The following PSD3 variants were observed in gnomAD, a reference collection of about 807,000 sequenced individuals.
PSD3 encodes pleckstrin and Sec7 domain containing 3, also known as PH and SEC7 domain-containing protein 3.
In PSD3, 49 loss-of-function variants were observed where a neutral mutation model predicts 105.5. That is an observed-to-expected ratio of 0.46 (90% CI 0.37 to 0.59). PSD3 has a LOEUF of 0.59. Among genes scored for constraint, PSD3 ranks in the 20% least tolerant of loss-of-function variants. The pLI is 0.00. For missense variants in PSD3, 1,561 were observed against 1,263.8 expected (o/e 1.24, Z -3.57); for synonymous variants, 557 against 457.8 (o/e 1.22, Z -2.77).
chr8:18,606,164 A>T (rs1804812223), intron 11 of PSD3, among the ~76,000 whole-genome samples: 1 of 152,176 alleles, frequency 6.6e-6, no homozygotes, highest in Non-Finnish European at 1.5e-5. Flanking sequence ...AACTTTGAAT[A>T]ATGTCTCTCC....
intron 12 of PSD3, among the ~76,000 whole-genome samples, chr8:18,592,772 G>C (rs564640066): frequency 4.6e-5 from 7 of 152,174 alleles, no homozygotes; most frequent in South Asian, 2.1e-4. Context: ...AAAAATGAAA[G>C]ATATATAGAC....
intron 9 of PSD3, among the ~76,000 whole-genome samples, chr8:18,710,369 T>C (rs1193590893): frequency 1.3e-5 from 2 of 152,002 alleles, no homozygotes; most frequent in African/African-American, 4.8e-5. Context: ...CTACGACTGA[T>C]TGGGGTACCT....
At chr8:18,567,903 C>A (rs1184480446) in intron 14 of PSD3, among the ~76,000 whole-genome samples, 1 of 152,122 alleles carries the variant, frequency 6.6e-6, no homozygotes, top group African/African-American at 2.4e-5. Flanking sequence ...GAGGTGTTTG[C>A]GTTATGGGGG....
chr8:18,895,016 A>G (rs1394719721), intron 2 of PSD3, among the ~76,000 whole-genome samples: 1 of 152,210 alleles, frequency 6.6e-6, no homozygotes, highest in Non-Finnish European at 1.5e-5. Flanking sequence ...GCTGTTACAT[A>G]TCTACATTAT....
intron 8 of PSD3, among the ~76,000 whole-genome samples, chr8:18,798,058 A>G (rs963714592): frequency 1.3e-5 from 2 of 152,218 alleles, no homozygotes; most frequent in East Asian, 1.9e-4. Context: ...AAAAGTGGTC[A>G]TGACAATCCA....
intron 11 of PSD3, among the ~76,000 whole-genome samples, chr8:18,605,169 A>C (rs1288471983): frequency 2.0e-5 from 3 of 152,188 alleles, no homozygotes; most frequent in African/African-American, 7.2e-5. Context: ...GGAAAAACCG[A>C]AGGCAGTCAA....
intron 8 of PSD3, among the ~76,000 whole-genome samples, chr8:18,777,119 T>G (rs1021225354): frequency 6.6e-6 from 1 of 152,188 alleles, no homozygotes; most frequent in Non-Finnish European, 1.5e-5. Flanking sequence ...CTTGGCTCAC[T>G]GAAACCTCTG....
intron 8 of PSD3, among the ~76,000 whole-genome samples, chr8:18,777,318 A>G (rs335220): frequency 0.96 from 146,425 of 152,310 alleles, 70,571 homozygotes; most frequent in Non-Finnish European, 0.98. Flanking sequence ...TGGGATTACA[A>G]GTGTGAGCCA....
chr8:18,947,045 C>T (rs1398509474), intron 1 of PSD3, among the ~76,000 whole-genome samples: 1 of 152,034 alleles, frequency 6.6e-6, no homozygotes, highest in Non-Finnish European at 1.5e-5. Context: ...AAGGGGATGG[C>T]TCACGTATGC....
In PSD3 at chr8:18,657,526, C is replaced by T. The variant is rs894925191; in HGVS notation, c.2173-1841G>A. Reference sequence around the variant, plus strand: ...AGGGATAGAACGTACAATTAAAATACGGAGTATACTGAGGCACAAAGACTA... The same window carrying T: ...AGGGATAGAACGTACAATTAAAATATGGAGTATACTGAGGCACAAAGACTA... On this transcript the variant is annotated intron_variant, in intron 9 of 15. Coordinates refer to ENST00000327040, the MANE Select transcript of PSD3 (RefSeq NM_015310.4). Among the ~76,000 whole-genome samples, 9 of 152,094 alleles carry T rather than the reference C, an allele frequency of 5.9e-5. No homozygotes were observed. In the East Asian group the frequency reaches 7.7e-4, roughly 13 times the overall value.
intron 1 of PSD3, among the ~76,000 whole-genome samples, chr8:18,945,737 A>G (rs1822816270): frequency 6.6e-6 from 1 of 152,216 alleles, no homozygotes; most frequent in Admixed American, 6.5e-5. Context: ...GCACTTTGGG[A>G]GGCCCAGGTG....
intron 2 of PSD3, among the ~76,000 whole-genome samples, chr8:18,892,882 C>T (rs1252844935): frequency 6.6e-6 from 1 of 152,112 alleles, no homozygotes; most frequent in African/African-American, 2.4e-5. Context: ...ACTTCAGCCT[C>T]CCACAGTGCT....
At position 18,756,446 on chromosome 8, in the gene PSD3, T is replaced by G. The variant is rs150725900; in HGVS notation, c.2172+9003A>C. On this transcript the variant is annotated intron_variant, in intron 9 of 15. Transcript: ENST00000327040. Reference sequence around the variant, plus strand: ...TTTTCTTGGATTTAAATCTGAACATTCTCTGGTTTCATTATTAAGTATACA... The same window carrying G: ...TTTTCTTGGATTTAAATCTGAACATGCTCTGGTTTCATTATTAAGTATACA... Among the ~76,000 whole-genome samples, 287 of 152,290 alleles carry G rather than the reference T, an allele frequency of 1.9e-3. 3 individuals are homozygous for G. In the East Asian group the frequency reaches 0.029, roughly 15 times the overall value.
chr8:18,589,912 C>T (rs986054527), intron 12 of PSD3, among the ~76,000 whole-genome samples: 10 of 152,200 alleles, frequency 6.6e-5, no homozygotes, highest in Admixed American at 2.0e-4. Flanking sequence ...TCCTTGCCTT[C>T]CGTTCTTACT....
At chr8:18,786,708 T>C (rs1809194979) in intron 8 of PSD3, 2 of 152,232 alleles carry the variant, frequency 1.3e-5, no homozygotes, top group African/African-American at 4.8e-5. Flanking sequence ...TAATTTTCTT[T>C]ACTGGTTCAG....
rs866944563 is a variant in PSD3 at position 18,594,322 on chromosome 8, A to C, written c.2481+6042T>G. Among the ~76,000 whole-genome samples the C allele has an allele frequency of 1.7e-4, 4 of 24,092 alleles. 1 individual carries two copies. Among genetic ancestry groups the C allele is most frequent in the African/African-American group, 2.1e-4 (2 of 9,738 alleles). The allele number at this position is 24,092 out of a possible 152,430, so 15.8% of individuals were successfully genotyped here. ...ATAATAATATATATTATTATATATA[A>C]TATATATTATAATATATAATATATA... On this transcript the variant is annotated intron_variant, in intron 12 of 15. Transcript: ENST00000327040.
chr8:18,580,937 A>T (rs898365420), intron 12 of PSD3, among the ~76,000 whole-genome samples: 4 of 152,200 alleles, frequency 2.6e-5, no homozygotes, highest in Non-Finnish European at 5.9e-5. Context: ...TCTCTAGGGC[A>T]GTTCAGTTTT....
chr8:18,769,289 A>G (rs1487717678), intron 8 of PSD3, among the ~76,000 whole-genome samples: 1 of 152,186 alleles, frequency 6.6e-6, no homozygotes, highest in African/African-American at 2.4e-5. Flanking sequence ...CACCAAAACT[A>G]TTTTTTGATA....
intron 15 of PSD3, among the ~76,000 whole-genome samples, chr8:18,551,123 T>A (rs563403452): frequency 6.6e-6 from 1 of 152,314 alleles, no homozygotes; most frequent in South Asian, 2.1e-4. Context: ...TGTATTGAGA[T>A]ATGCCTCTGC....
Sources: gnomAD v4.1 joint callset for allele counts (sites outside exome capture counted in the v4.1 genomes callset) on GRCh38, gnomAD v4.1.1 for gene constraint, MANE v1.5 for transcripts, NCBI Gene and HGNC (gene_info 2026-07-23, HGNC 2026-07-21) for gene names.